The following PNLIP variants were observed in gnomAD, a reference collection of about 807,000 sequenced individuals.
PNLIP encodes pancreatic lipase.
A neutral mutation model predicts 57.1 loss-of-function variants in PNLIP; 49 were observed. The observed-to-expected ratio is 0.86, with a 90% CI of 0.68 to 1.09. The LOEUF is 1.09. PNLIP is among the 50% of genes least tolerant of loss of function. PNLIP has a pLI of 0.00. For synonymous variants in PNLIP, 209 were observed against 200.4 expected (o/e 1.04, Z -0.36); for missense variants, 503 against 570.2 (o/e 0.88, Z 1.20).
At chr10:116,561,192 G>T (rs1589558950) in intron 11 of PNLIP, among the ~76,000 whole-genome samples, 1 of 152,194 alleles carries the variant, frequency 6.6e-6, no homozygotes, top group Non-Finnish European at 1.5e-5. Flanking sequence ...TGGGGGAATG[G>T]TGACTAATAC....
chr10:116,556,276 C>T (rs1455033855), intron 9 of PNLIP, among the ~76,000 whole-genome samples, 158 bp downstream of exon 9: 1 of 152,120 alleles, frequency 6.6e-6, no homozygotes, highest in Admixed American at 6.6e-5. Context: ...AATTAGAGCA[C>T]TTTAGAGAAA....
rs544780587 is a variant in PNLIP at position 116,555,849 on chromosome 10, A to G, written c.812-151A>G. Reference sequence around the variant, plus strand: ...TACTCAACTTGTGATTACATCACAAATCATAAATATACTTTACAAATGACT... The same window carrying G: ...TACTCAACTTGTGATTACATCACAAGTCATAAATATACTTTACAAATGACT... On this transcript the variant is annotated intron_variant, in intron 8 of 12. Transcript: ENST00000369221. The G allele has an allele frequency of 4.7e-6, 3 of 633,316 alleles. No individual in the cohort carries two copies. In the South Asian group the frequency reaches 6.1e-5, roughly 13 times the overall value. 39.2% of individuals were successfully genotyped at this position (633,316 alleles called of 1,614,324 possible). A position where few individuals can be genotyped will look rare whatever the true frequency, so the allele number is the denominator to read the frequency against.
chr10:116,546,940 C>T (rs1589553388), intron 2 of PNLIP, among the ~76,000 whole-genome samples: 1 of 152,316 alleles, frequency 6.6e-6, no homozygotes, highest in East Asian at 1.9e-4. Context: ...CACAGCTAAA[C>T]AGTGGCTACA....
Position 116,548,429 on chromosome 10 carries a change from A to T in PNLIP, c.271A>T (p.Ile91Phe). The part of the protein sequence containing the change: ...FKTNRKTRFI[I>F]HGFIDKGEEN... The stretch of plus-strand genomic sequence containing the variant: ...AACAAATAGAAAAACTCGCTTTATT[A>T]TTCATGGATTCATAGACAAGGGAGA... The change falls in exon 4 of 13, where the codon ATT becomes TTT. Residue 91 changes from isoleucine (I) to phenylalanine (F), a missense_variant. Coordinates refer to ENST00000369221, the MANE Select transcript of PNLIP (RefSeq NM_000936.4). The T allele has an allele frequency of 1.2e-6, 2 of 1,614,114 alleles. No individual in the cohort carries two copies. The highest frequency in any genetic ancestry group is 1.7e-6 in the Non-Finnish European group (2 of 1,179,926).
At chr10:116,560,550 CTTT>C (rs753235094) in intron 11 of PNLIP, 26 bp downstream of exon 11, 13,127 of 492,606 alleles carry the variant, frequency 0.027, no homozygotes, top group Middle Eastern at 0.04. Flanking sequence ...TTGCTCTATG[CTTT>C]TTTTTTTTTT....
intron 4 of PNLIP, 78 bp downstream of exon 4, chr10:116,548,560 A>G: frequency 6.8e-7 from 1 of 1,475,332 alleles, no homozygotes; most frequent in Non-Finnish European, 9.3e-7. Context: ...GGCCCCGACC[A>G]ATGAGGACAG....
intron 12 of PNLIP, among the ~76,000 whole-genome samples, chr10:116,567,157 CTTTT>C (rs899851012): frequency 1.1e-4 from 15 of 140,450 alleles, no homozygotes; most frequent in Admixed American, 3.7e-4. Flanking sequence ...CTCTTTCTTT[CTTTT>C]CTTTCTTTCT....
At position 116,555,499 on chromosome 10, in the gene PNLIP, T is replaced by C; in HGVS notation, c.803T>C (p.Ile268Thr). 2 of 1,614,108 alleles carry C rather than the reference T, an allele frequency of 1.2e-6. No individual in the cohort carries two copies. Among genetic ancestry groups the C allele is most frequent in the Non-Finnish European group, 1.7e-6 (2 of 1,179,980 alleles). The change falls in exon 8 of 13, where the codon ATC becomes ACC. Residue 268 changes from isoleucine to threonine, a missense_variant. Physicochemically the swap from Ile to Thr is moderately conservative, Grantham distance 89 (BLOSUM62 -1). Transcript: ENST00000369221. ...ILSQIVDIDGIWEGTRDFAAC... is the reference protein window; with the variant it reads ...ILSQIVDIDGTWEGTRDFAAC... ...TCTCAGATTGTGGACATAGACGGAATCTGGGAAGGTAGAACTATTATGTGT... is the reference window on the plus strand; with the variant it reads ...TCTCAGATTGTGGACATAGACGGAACCTGGGAAGGTAGAACTATTATGTGT...
chr10:116,551,147 G>T lies in PNLIP; in HGVS notation c.374G>T (p.Gly125Val), dbSNP rs751672961. Residue 125 changes from glycine to valine, a missense_variant, in exon 5 of 13, where the codon GGT (glycine) becomes GTT (valine). By Grantham distance (109) the Gly-to-Val change is moderately radical. Transcript: ENST00000369221. ...AACTGTATCTGTGTGGACTGGAAAG[G>T]TGGCTCCCGAACTGGATACACACAA... Reference protein sequence around the residue: ...SVNCICVDWKGGSRTGYTQAS... With the variant: ...SVNCICVDWKVGSRTGYTQAS... The T allele has an allele frequency of 1.9e-6, 3 of 1,612,646 alleles. No homozygotes were observed. The highest frequency in any genetic ancestry group is 3.3e-5 in the Admixed American group (2 of 59,878).
intron 3 of PNLIP, among the ~76,000 whole-genome samples, 183 bp downstream of exon 3, chr10:116,547,631 C>A (rs901974891): frequency 1.0e-4 from 15 of 148,360 alleles, no homozygotes; most frequent in African/African-American, 3.2e-4. Context: ...GAAACTGAAG[C>A]AGGAGGATGG....
chr10:116,555,509 T>C lies in PNLIP; in HGVS notation c.811+2T>C. ...TGGACATAGACGGAATCTGGGAAGG[T>C]AGAACTATTATGTGTAGAAAGAGAT... On this transcript the variant is annotated splice_donor_variant, in intron 8 of 12. Transcript: ENST00000369221. LOFTEE classifies it high-confidence loss of function. 1.2e-6 allele frequency: 2 copies of C among 1,613,732 alleles called. No homozygotes were observed. The highest frequency in any genetic ancestry group is 1.7e-6 in the Non-Finnish European group (2 of 1,179,846).
Position 116,559,179 on chromosome 10 carries a change from G to A in PNLIP, c.956G>A (p.Gly319Glu), listed in dbSNP as rs757572162. The A allele has an allele frequency of 3.7e-6, 6 of 1,612,538 alleles. No homozygotes were observed. The highest frequency in any genetic ancestry group is 5.1e-6 in the Non-Finnish European group (6 of 1,179,618). Residue 319 changes from glycine (G) to glutamate (E), a missense_variant, in exon 10 of 13, where the codon GGA becomes GAA. Transcript: ENST00000369221. ...TANKCFPCPSGGCPQMGHYAD... is the reference protein window; with the variant it reads ...TANKCFPCPSEGCPQMGHYAD... ...AACAAGTGTTTCCCTTGTCCAAGTG[G>A]AGGCTGCCCACAGATGGGTCACTAT...
chr10:116,548,097 C>T (rs1356242783), intron 3 of PNLIP, among the ~76,000 whole-genome samples: 1 of 151,544 alleles, frequency 6.6e-6, no homozygotes, highest in African/African-American at 2.4e-5. Flanking sequence ...ACACACAAAG[C>T]CTTCCATTGT....
rs376286190 is a variant in PNLIP, at chr10:116,546,043, G to A, written c.1-50G>A. 3.2e-5 allele frequency: 50 copies of A among 1,560,504 alleles called. No homozygotes were observed. The South Asian group carries it at 3.6e-4, about 11-fold the overall frequency. On this transcript the variant is annotated intron_variant, in intron 1 of 12. Transcript: ENST00000369221. ...AGGTCTAAATGAACTAAAACTTGCCGATCTTTTAAAAACTTAGCCAGACTC... is the reference window on the plus strand; with the variant it reads ...AGGTCTAAATGAACTAAAACTTGCCAATCTTTTAAAAACTTAGCCAGACTC...
At chr10:116,558,344 G>A (rs567840598) in intron 9 of PNLIP, among the ~76,000 whole-genome samples, 37 of 151,464 alleles carry the variant, frequency 2.4e-4, no homozygotes, top group African/African-American at 8.7e-4. Context: ...ACAGGCGCCC[G>A]CCACCATGCC....
Position 116,567,828 on chromosome 10 carries a change from A to T in PNLIP, c.*30A>T, listed in dbSNP as rs750906800. On this transcript the variant is annotated 3_prime_UTR_variant, in exon 13 of 13. Coordinates refer to ENST00000369221, the MANE Select transcript of PNLIP (RefSeq NM_000936.4). ...CTACTGTTATTTGACCAATGAATTGACTTCTAATAAAATCTAGTGGTGATG... is the reference window on the plus strand; with the variant it reads ...CTACTGTTATTTGACCAATGAATTGTCTTCTAATAAAATCTAGTGGTGATG... 5.8e-6 allele frequency: 9 copies of T among 1,541,002 alleles called. No homozygotes were observed. In the Admixed American group the frequency reaches 1.2e-4, roughly 20 times the overall value.
chr10:116,545,962 A>T lies in PNLIP; in HGVS notation c.-1+4A>T. 1 of 725,180 alleles carries T rather than the reference A, an allele frequency of 1.4e-6. No individual in the cohort carries two copies. The highest frequency in any genetic ancestry group is 2.4e-6 in the Non-Finnish European group (1 of 414,970). 44.9% of individuals were successfully genotyped at this position (725,180 alleles called of 1,614,324 possible). On this transcript the variant is annotated splice_donor_region_variant and intron_variant, in intron 1 of 12. Coordinates refer to ENST00000369221, the MANE Select transcript of PNLIP (RefSeq NM_000936.4). ...GGAACCTGACGGAACTGCCACGGTGAGTCGGGAACATGTTTTCCAGGCCTA... is the reference window on the plus strand; with the variant it reads ...GGAACCTGACGGAACTGCCACGGTGTGTCGGGAACATGTTTTCCAGGCCTA...
intron 6 of PNLIP, 63 bp downstream of exon 6, chr10:116,553,901 G>T: frequency 2.3e-6 from 2 of 883,114 alleles, no homozygotes; most frequent in Non-Finnish European, 3.6e-6. Flanking sequence ...GAGGCCAGCA[G>T]TTTGAGGCCA....
rs542104414 is a variant in PNLIP at position 116,549,478 on chromosome 10, CA to C, written c.324+1006del. ...TGGACAACAGAGCAAGATTCCGTCT[CA>C]AAAAAAAAACAAAAAAAGACACAAA... On this transcript the variant is annotated intron_variant, in intron 4 of 12. Transcript: ENST00000369221. Among the ~76,000 whole-genome samples, 10 of 142,356 alleles carry C rather than the reference CA, an allele frequency of 7.0e-5. No individual in the cohort carries two copies. The East Asian group carries it at 8.2e-4, about 12-fold the overall frequency. The allele number at this position is 142,356 out of a possible 152,430, so 93.4% of individuals were successfully genotyped here.
Sources: allele counts gnomAD v4.1 joint callset (sites outside exome capture counted in the v4.1 genomes callset), GRCh38; gene constraint gnomAD v4.1.1; transcripts MANE v1.5; gene names NCBI Gene and HGNC (gene_info 2026-07-23, HGNC 2026-07-21).